The following SLC10A7 variants were observed in gnomAD, a reference collection of about 807,000 sequenced individuals.
SLC10A7 encodes sodium/bile acid cotransporter 7.
A neutral mutation model predicts 43.2 loss-of-function variants in SLC10A7; 29 were observed. That is an observed-to-expected ratio of 0.67 (90% confidence interval 0.50 to 0.92). The LOEUF (loss-of-function observed/expected upper bound fraction) is 0.92. SLC10A7 is among the 40% of genes least tolerant of loss of function. SLC10A7 has a pLI of 0.00. For synonymous variants in SLC10A7, 152 were observed against 144.8 expected (o/e 1.05, Z -0.35); for missense variants, 295 against 403.2 (o/e 0.73, Z 2.30).
intron 6 of SLC10A7, among the ~76,000 whole-genome samples, chr4:146,322,453 A>G (rs1024147546): frequency 1.4e-5 from 2 of 142,950 alleles, no homozygotes; most frequent in African/African-American, 2.6e-5. Context: ...CCCACCTATG[A>G]GTCAGAACAT....
rs1321721233 is a variant in SLC10A7, at chr4:146,255,673, CTGAT to C, written c.*814_*817del. 1 of 152,176 alleles carries C rather than the reference CTGAT, an allele frequency of 6.6e-6. No individual in the cohort carries two copies. Among genetic ancestry groups the C allele is most frequent in the Non-Finnish European group, 1.5e-5 (1 of 68,034 alleles). 9.4% of individuals were successfully genotyped at this position (152,176 alleles called of 1,614,324 possible). ...ACCATTAATTGATGCTGCTTTCAAA[CTGAT>C]TGTAACATTTTTGTGCCTCATATTT... is the stretch of plus-strand genomic sequence containing the variant. On this transcript the variant is annotated 3_prime_UTR_variant, in exon 12 of 12. Transcript: ENST00000335472.
chr4:146,495,789 A>ACACACACG (rs1735842593), intron 4 of SLC10A7, among the ~76,000 whole-genome samples: 1 of 151,650 alleles, frequency 6.6e-6, no homozygotes, highest in Non-Finnish European at 1.5e-5. Flanking sequence ...ACACACACAC[A>ACACACACG]CACACACACA....
chr4:146,279,423 TTGAC>T (rs531755544), intron 10 of SLC10A7, among the ~76,000 whole-genome samples: 3 of 152,306 alleles, frequency 2.0e-5, no homozygotes, highest in South Asian at 2.1e-4. Context: ...ACGAGATCTA[TTGAC>T]TGACTGTGCA....
chr4:146,521,842 C>T lies in SLC10A7; in HGVS notation c.-125G>A, dbSNP rs1738718831. ...CCTCCAGACATGCAGCAGAGCAAGT[C>T]AAATTGCCGATTGTAAAGTAAAGAC... On this transcript the variant is annotated 5_prime_UTR_variant, in exon 1 of 12. Coordinates refer to ENST00000335472, the MANE Select transcript of SLC10A7 (RefSeq NM_001029998.6). The T allele has an allele frequency of 1.3e-6, 1 of 758,762 alleles. No homozygotes were observed. Among genetic ancestry groups the T allele is most frequent in the Non-Finnish European group, 2.2e-6 (1 of 460,150 alleles). The allele number at this position is 758,762 out of a possible 1,614,324, so 47.0% of individuals were successfully genotyped here.
At chr4:146,284,230 C>A (rs1291545234) in intron 9 of SLC10A7, among the ~76,000 whole-genome samples, 1 of 152,074 alleles carries the variant, frequency 6.6e-6, no homozygotes, top group African/African-American at 2.4e-5. Flanking sequence ...GAAGAGTTAG[C>A]AAATGGAAAA....
intron 5 of SLC10A7, among the ~76,000 whole-genome samples, chr4:146,398,815 C>A (rs571102245): frequency 6.6e-6 from 1 of 152,332 alleles, no homozygotes; most frequent in African/African-American, 2.4e-5. Flanking sequence ...TGGTAAGACT[C>A]CCAAAGTCCC....
chr4:146,383,376 C>A (rs1480812118), intron 5 of SLC10A7, among the ~76,000 whole-genome samples: 1 of 152,116 alleles, frequency 6.6e-6, no homozygotes, highest in Admixed American at 6.5e-5. Flanking sequence ...TCAGCTATGA[C>A]AGGAAACATC....
chr4:146,453,963 T>A (rs751963166), intron 4 of SLC10A7, among the ~76,000 whole-genome samples: 12 of 151,956 alleles, frequency 7.9e-5, no homozygotes, highest in Non-Finnish European at 1.5e-4. Flanking sequence ...CATAGCTGCT[T>A]TGATTTCTCT....
intron 5 of SLC10A7, among the ~76,000 whole-genome samples, chr4:146,441,158 T>C (rs1189575091): frequency 6.6e-6 from 1 of 151,832 alleles, no homozygotes; most frequent in African/African-American, 2.4e-5. Context: ...ATTAACTGAA[T>C]TAGGGTAAGA....
At chr4:146,257,929 G>A (rs1578720497) in intron 11 of SLC10A7, among the ~76,000 whole-genome samples, 1 of 152,194 alleles carries the variant, frequency 6.6e-6, no homozygotes, top group East Asian at 1.9e-4. Flanking sequence ...CAGGGCACTT[G>A]TCATTGGATA....
intron 5 of SLC10A7, among the ~76,000 whole-genome samples, chr4:146,411,123 C>T (rs1363059076): frequency 3.3e-5 from 5 of 152,118 alleles, no homozygotes; most frequent in Admixed American, 2.6e-4. Flanking sequence ...GTGTAAGCCA[C>T]CTTGCCCGGC....
Position 146,258,678 on chromosome 4 carries a change from T to C in SLC10A7, c.993+14A>G, listed in dbSNP as rs768113192. 6.4e-7 allele frequency: 1 copy of C among 1,573,620 alleles called. No homozygotes were observed. Among genetic ancestry groups the C allele is most frequent in the Non-Finnish European group, 8.6e-7 (1 of 1,168,494 alleles). ...TCTAACTTGGATCCAAATAAGATCT[T>C]TCTGGGGACTCACCTTCTGCCTTGA... On this transcript the variant is annotated intron_variant, in intron 11 of 11. Coordinates refer to ENST00000335472, the MANE Select transcript of SLC10A7 (RefSeq NM_001029998.6).
intron 5 of SLC10A7, among the ~76,000 whole-genome samples, chr4:146,350,757 C>G (rs1374990858): frequency 4.4e-5 from 4 of 90,220 alleles, no homozygotes; most frequent in Non-Finnish European, 8.2e-5. Context: ...GGGAGGCACC[C>G]CCCAGCAGGG....
rs193219360 is a variant in SLC10A7 at position 146,436,385 on chromosome 4, A to G, written c.435+6398T>C. On this transcript the variant is annotated intron_variant, in intron 5 of 11. Coordinates refer to ENST00000335472, the MANE Select transcript of SLC10A7 (RefSeq NM_001029998.6). Reference sequence around the variant, plus strand: ...GTCTTCTTGATTGGAGCATTATACCATATTTTTAACTCTGCAAATATGTTT... The same window carrying G: ...GTCTTCTTGATTGGAGCATTATACCGTATTTTTAACTCTGCAAATATGTTT... 7.2e-5 allele frequency among the ~76,000 whole-genome samples: 11 copies of G among 152,198 alleles called. No homozygotes were observed. The East Asian group carries it at 2.1e-3, about 29-fold the overall frequency.
chr4:146,467,788 C>T (rs1733179483), intron 4 of SLC10A7, among the ~76,000 whole-genome samples: 1 of 152,080 alleles, frequency 6.6e-6, no homozygotes, highest in African/African-American at 2.4e-5. Context: ...GTCTCAAACT[C>T]GTGACCTCAG....
At position 146,256,676 on chromosome 4, in the gene SLC10A7, A is replaced by G. The variant is rs1727904712; in HGVS notation, c.994-156T>C. On this transcript the variant is annotated intron_variant, in intron 11 of 11. Coordinates refer to ENST00000335472, the MANE Select transcript of SLC10A7 (RefSeq NM_001029998.6). ...AATCCAAACCTCTGGATACAAACAGATTTCCCTGCCCACCTCTCTGGCCAG... is the reference window on the plus strand; with the variant it reads ...AATCCAAACCTCTGGATACAAACAGGTTTCCCTGCCCACCTCTCTGGCCAG... 6.0e-6 allele frequency: 6 copies of G among 993,214 alleles called. No individual in the cohort carries two copies. In the South Asian group the frequency reaches 9.4e-5, roughly 15 times the overall value. The allele number at this position is 993,214 out of a possible 1,614,324, so 61.5% of individuals were successfully genotyped here.
intron 5 of SLC10A7, among the ~76,000 whole-genome samples, chr4:146,359,337 C>A (rs1252883888): frequency 6.6e-6 from 1 of 152,016 alleles, no homozygotes; most frequent in Admixed American, 6.6e-5. Context: ...TATGGCTTGC[C>A]TTTTATTCTC....
intron 5 of SLC10A7, among the ~76,000 whole-genome samples, chr4:146,366,708 T>C (rs533384737): frequency 3.3e-5 from 5 of 152,226 alleles, no homozygotes; most frequent in Non-Finnish European, 7.3e-5. Context: ...ATAATTTCTA[T>C]ATTTTATAAA....
intron 4 of SLC10A7, among the ~76,000 whole-genome samples, chr4:146,452,685 T>C (rs1487587974): frequency 6.6e-6 from 1 of 152,024 alleles, no homozygotes; most frequent in Non-Finnish European, 1.5e-5. Context: ...TATTTAAGTA[T>C]TACTACAACA....
Sources: gnomAD v4.1 joint callset for allele counts (sites outside exome capture counted in the v4.1 genomes callset) on GRCh38, gnomAD v4.1.1 for gene constraint, MANE v1.5 for transcripts, NCBI Gene and HGNC (gene_info 2026-07-23, HGNC 2026-07-21) for gene names.